MGAT4C: variants seen among roughly 807,000 people sequenced by gnomAD.
MGAT4C encodes MGAT4 family member C, also known as alpha-1,3-mannosyl-glycoprotein 4-beta-N-acetylglucosaminyltransferase C.
Under a neutral mutation model 40.1 loss-of-function variants are expected in MGAT4C, and 19 were observed. The observed-to-expected ratio is 0.47, with a 90% CI of 0.33 to 0.70. The LOEUF is 0.70. Among genes scored for constraint, MGAT4C ranks in the 30% least tolerant of loss-of-function variants. The pLI is 0.02. For missense variants in MGAT4C, 491 were observed against 563.2 expected, an observed-to-expected ratio of 0.87 and a Z score of 1.30; for synonymous variants, 181 against 187.1, an observed-to-expected ratio of 0.97 and a Z score of 0.27.
At chr12:86,694,892 G>A (rs1228184385) in intron 2 of MGAT4C, among the ~76,000 whole-genome samples, 1 of 152,056 alleles carries the variant, frequency 6.6e-6, no homozygotes, top group Non-Finnish European at 1.5e-5. Context: ...CAAATCACAG[G>A]CAATCAAAGC....
chr12:86,786,581 C>T (rs1951934950), intron 1 of MGAT4C, among the ~76,000 whole-genome samples: 1 of 147,668 alleles, frequency 6.8e-6, no homozygotes. Flanking sequence ...TCTGCTCAAA[C>T]TTTTTTTTTT....
chr12:86,757,366 AC>A (rs1277906473), intron 1 of MGAT4C, among the ~76,000 whole-genome samples: 4 of 152,268 alleles, frequency 2.6e-5, no homozygotes, highest in African/African-American at 9.6e-5. Context: ...AAAGTATAAA[AC>A]AAAAAATTCT....
intron 2 of MGAT4C, among the ~76,000 whole-genome samples, chr12:86,474,949 A>T (rs1017686169): frequency 6.6e-6 from 1 of 152,146 alleles, no homozygotes; most frequent in Non-Finnish European, 1.5e-5. Flanking sequence ...ACACATGTAA[A>T]CTGATCAAGT....
intron 1 of MGAT4C, among the ~76,000 whole-genome samples, chr12:86,774,455 A>T (rs1951718395): frequency 6.7e-6 from 1 of 149,430 alleles, no homozygotes; most frequent in Non-Finnish European, 1.5e-5. Flanking sequence ...CCATGCACCT[A>T]AACATAGATG....
At chr12:86,124,320 AT>A (rs2135691833) in intron 1 of MGAT4C, among the ~76,000 whole-genome samples, 1 of 152,320 alleles carries the variant, frequency 6.6e-6, no homozygotes, top group African/African-American at 2.4e-5. Context: ...AGTAGGATAG[AT>A]TACTTAAAAA....
At chr12:86,304,054 C>T (rs944397587) in intron 4 of MGAT4C, among the ~76,000 whole-genome samples, 3 of 150,516 alleles carry the variant, frequency 2.0e-5, no homozygotes, top group Admixed American at 6.6e-5. Flanking sequence ...AGTTATATTT[C>T]CTCATAGAAT....
At chr12:86,641,458 A>G (rs939222208) in intron 2 of MGAT4C, among the ~76,000 whole-genome samples, 6 of 151,816 alleles carry the variant, frequency 4.0e-5, no homozygotes, top group Admixed American at 2.0e-4. Flanking sequence ...AGCATGGCAC[A>G]TGTATACATA....
chr12:86,061,209 C>T (rs1893927661), intron 1 of MGAT4C, among the ~76,000 whole-genome samples: 1 of 152,132 alleles, frequency 6.6e-6, no homozygotes. Flanking sequence ...CCAAGGAGGG[C>T]AAGCTGAAGC....
intron 2 of MGAT4C, among the ~76,000 whole-genome samples, chr12:86,625,865 T>C (rs982423102): frequency 6.6e-6 from 1 of 152,050 alleles, no homozygotes; most frequent in Non-Finnish European, 1.5e-5. Context: ...ATAAAATTAA[T>C]AGAAACATAG....
intron 2 of MGAT4C, among the ~76,000 whole-genome samples, chr12:86,000,152 T>C (rs1396651563): frequency 6.6e-6 from 1 of 151,676 alleles, no homozygotes; most frequent in Non-Finnish European, 1.5e-5. Flanking sequence ...TAAATACAAA[T>C]AATTTTAAAA....
chr12:86,512,531 A>C (rs561904928), intron 2 of MGAT4C, among the ~76,000 whole-genome samples: 4 of 152,114 alleles, frequency 2.6e-5, no homozygotes, highest in Non-Finnish European at 5.9e-5. Context: ...GAAATTTTTA[A>C]TTGTCCATTG....
chr12:85,989,093 G>A (rs905045604), intron 3 of MGAT4C, among the ~76,000 whole-genome samples: 2 of 151,930 alleles, frequency 1.3e-5, no homozygotes, highest in African/African-American at 2.4e-5. Flanking sequence ...CATTTCAAAT[G>A]GAAAACCCAA....
intron 2 of MGAT4C, among the ~76,000 whole-genome samples, chr12:86,459,819 C>G (rs1261781465): frequency 6.6e-6 from 1 of 150,948 alleles, no homozygotes; most frequent in African/African-American, 2.4e-5. Context: ...TCTTCTTGTC[C>G]TCTTTGCTCT....
chr12:86,615,786 T>G (rs935204468), intron 2 of MGAT4C, among the ~76,000 whole-genome samples: 2 of 152,062 alleles, frequency 1.3e-5, no homozygotes, highest in African/African-American at 4.8e-5. Context: ...TTTCCCAAAC[T>G]TATCTAATCT....
At chr12:86,471,795 T>C (rs936479561) in intron 2 of MGAT4C, among the ~76,000 whole-genome samples, 15 of 152,088 alleles carry the variant, frequency 9.9e-5, no homozygotes, top group African/African-American at 2.7e-4. Flanking sequence ...TGCCTTTGTT[T>C]ACTATCATTC....
At chr12:86,611,731 A>C (rs550700710) in intron 2 of MGAT4C, among the ~76,000 whole-genome samples, 151 of 152,242 alleles carry the variant, frequency 9.9e-4, no homozygotes, top group African/African-American at 3.4e-3. Flanking sequence ...TTTTTATAAC[A>C]AATTTATTTA....
intron 1 of MGAT4C, among the ~76,000 whole-genome samples, chr12:86,143,820 G>GT (rs1241075577): frequency 6.6e-5 from 10 of 152,156 alleles, no homozygotes; most frequent in African/African-American, 2.4e-4. Flanking sequence ...ATTTTAGCAG[G>GT]TTGTAGATAT....
intron 1 of MGAT4C, among the ~76,000 whole-genome samples, chr12:86,172,559 A>G (rs1283202581): frequency 2.0e-5 from 3 of 152,122 alleles, no homozygotes; most frequent in South Asian, 4.1e-4. Context: ...CAAATAAATT[A>G]CATATACTGA....
At chr12:86,161,064 G>T (rs1885535573) in intron 1 of MGAT4C, among the ~76,000 whole-genome samples, 1 of 152,044 alleles carries the variant, frequency 6.6e-6, no homozygotes, top group Admixed American at 6.6e-5. Context: ...AATCATTATT[G>T]TAAAAATGGC....
Sources: gnomAD v4.1 joint callset for allele counts (sites outside exome capture counted in the v4.1 genomes callset) on GRCh38, gnomAD v4.1.1 for gene constraint, MANE v1.5 for transcripts, NCBI Gene and HGNC (gene_info 2026-07-23, HGNC 2026-07-21) for gene names.